Variants in GRIP1 observed in about 807,000 individuals in gnomAD.
GRIP1 encodes the protein glutamate receptor-interacting protein 1.
Under a neutral mutation model 129.9 loss-of-function variants are expected in GRIP1, and 45 were observed. That is an observed-to-expected ratio of 0.35 (90% CI 0.27 to 0.44). The LOEUF (loss-of-function observed/expected upper bound fraction) is 0.44, where lower values mean the gene tolerates loss of function less well. Among genes scored for constraint, GRIP1 ranks in the 20% least tolerant of loss-of-function variants. The pLI is 1.00. For synonymous variants in GRIP1, 530 were observed against 520.8 expected (o/e 1.02, Z -0.24); for missense variants, 1,196 against 1,396.8 (o/e 0.86, Z 2.29).
intron 1 of GRIP1, among the ~76,000 whole-genome samples, chr12:66,976,583 C>G (rs1355464804): frequency 6.6e-6 from 1 of 152,120 alleles, no homozygotes; most frequent in Non-Finnish European, 1.5e-5. Context: ...CATATCATAT[C>G]ATATCACCTG....
At position 66,348,765 on chromosome 12, in the gene GRIP1, GA is replaced by G. The variant is rs2054090706; in HGVS notation, c.*253del. On this transcript the variant is annotated 3_prime_UTR_variant, in exon 25 of 25. Transcript: ENST00000359742. ...TGATGTTAATTGTAGAGTTGTGGGG[GA>G]CGGCCTATTTTTCTCTACCGTTGGG... The G allele has an allele frequency of 3.9e-6, 2 of 511,168 alleles. No homozygotes were observed. The highest frequency in any genetic ancestry group is 2.6e-5 in the South Asian group (1 of 38,948). The allele number at this position is 511,168 out of a possible 1,614,324, so 31.7% of individuals were successfully genotyped here.
chr12:66,720,053 T>C (rs1049438811), intron 1 of GRIP1, among the ~76,000 whole-genome samples: 1 of 152,176 alleles, frequency 6.6e-6, no homozygotes, highest in African/African-American at 2.4e-5. Flanking sequence ...TTTCAGACAT[T>C]ATAAATGCTG....
chr12:66,559,971 A>G (rs949182250), intron 2 of GRIP1, among the ~76,000 whole-genome samples: 1 of 152,128 alleles, frequency 6.6e-6, no homozygotes, highest in African/African-American at 2.4e-5. Context: ...AAAAACAGAT[A>G]CACAGACCAA....
In GRIP1 at chr12:67,062,642, C is replaced by T. The variant is rs116645231; in HGVS notation, c.58+6408G>A. Reference sequence around the variant, plus strand: ...TAGAGTTATCTGTCATAGCCCATGACTCTACAACTATACTTAATAATCTCC... The same window carrying T: ...TAGAGTTATCTGTCATAGCCCATGATTCTACAACTATACTTAATAATCTCC... On this transcript the variant is annotated intron_variant, in intron 1 of 1. Coordinates refer to the GRIP1 transcript ENST00000643019. Among the ~76,000 whole-genome samples the T allele has an allele frequency of 3.7e-3, 556 of 152,224 alleles. 4 individuals are homozygous for T. Among genetic ancestry groups the T allele is most frequent in the African/African-American group, 0.013 (537 of 41,538 alleles).
intron 1 of GRIP1, among the ~76,000 whole-genome samples, chr12:66,933,615 G>A (rs1566084481): frequency 6.6e-6 from 1 of 151,996 alleles, no homozygotes. Flanking sequence ...ACACAATAAT[G>A]AAATGAAATG....
intron 1 of GRIP1, among the ~76,000 whole-genome samples, chr12:66,843,594 G>A (rs2039760110): frequency 6.6e-6 from 1 of 152,048 alleles, no homozygotes; most frequent in African/African-American, 2.4e-5. Context: ...AACAGTGCTA[G>A]CATAAAGAAA....
At chr12:66,924,092 C>G (rs537667974) in intron 1 of GRIP1, among the ~76,000 whole-genome samples, 2 of 151,998 alleles carry the variant, frequency 1.3e-5, no homozygotes, top group Non-Finnish European at 2.9e-5. Flanking sequence ...TGATTCACCC[C>G]CCTCGGCCTC....
At chr12:66,352,046 G>C (rs1209098100) in intron 24 of GRIP1, among the ~76,000 whole-genome samples, 1 of 152,200 alleles carries the variant, frequency 6.6e-6, no homozygotes, top group African/African-American at 2.4e-5. Context: ...ATAAGGCTCA[G>C]AGCCAATGCG....
intron 1 of GRIP1, among the ~76,000 whole-genome samples, chr12:66,778,176 A>G (rs1331675065): frequency 1.3e-5 from 2 of 152,212 alleles, no homozygotes; most frequent in African/African-American, 2.4e-5. Context: ...AAAGGTGGCT[A>G]CAGTAGAATA....
intron 1 of GRIP1, among the ~76,000 whole-genome samples, chr12:66,967,703 G>A (rs78004290): frequency 0.16 from 23,829 of 152,072 alleles, 2,762 homozygotes; most frequent in African/African-American, 0.32. Context: ...TCAGTCATGT[G>A]TTATTGTGAA....
intron 2 of GRIP1, among the ~76,000 whole-genome samples, chr12:66,592,739 G>C (rs551460804): frequency 5.9e-5 from 9 of 152,166 alleles, no homozygotes; most frequent in African/African-American, 2.2e-4. Flanking sequence ...TCTCTAAGTG[G>C]GCAAGACCAC....
At chr12:66,829,499 G>A (rs2039478363) in intron 1 of GRIP1, among the ~76,000 whole-genome samples, 1 of 152,114 alleles carries the variant, frequency 6.6e-6, no homozygotes, top group South Asian at 2.1e-4. Flanking sequence ...TAACACGACA[G>A]CCACAGGAAA....
rs1221791384 is a variant in GRIP1 at position 66,997,735 on chromosome 12, G to C, written c.58+71315C>G. ...AGGAAAGAATCCTCTATTTTGACCTGATGACAATCTAGCAGGAAAATAATT... is the reference window on the plus strand; with the variant it reads ...AGGAAAGAATCCTCTATTTTGACCTCATGACAATCTAGCAGGAAAATAATT... On this transcript the variant is annotated intron_variant, in intron 1 of 1. Transcript: ENST00000643019. Among the ~76,000 whole-genome samples, 3 of 152,140 alleles carry C rather than the reference G, an allele frequency of 2.0e-5. No individual in the cohort carries two copies. In the East Asian group the frequency reaches 5.8e-4, roughly 29 times the overall value.
intron 16 of GRIP1, among the ~76,000 whole-genome samples, chr12:66,401,598 G>GTA (rs1555177931): frequency 1.8e-4 from 12 of 66,272 alleles, no homozygotes; most frequent in African/African-American, 3.7e-4. Flanking sequence ...AAATATGTGT[G>GTA]TATATATATA....
intron 1 of GRIP1, among the ~76,000 whole-genome samples, chr12:66,722,257 G>A (rs2036081292): frequency 6.6e-6 from 1 of 152,156 alleles, no homozygotes; most frequent in African/African-American, 2.4e-5. Flanking sequence ...TGAGAGACAT[G>A]TAAACCCTGC....
chr12:66,816,437 G>T (rs912084839), intron 1 of GRIP1, among the ~76,000 whole-genome samples: 1 of 152,060 alleles, frequency 6.6e-6, no homozygotes, highest in African/African-American at 2.4e-5. Context: ...TGTACTAAAG[G>T]CTCTATCAAA....
In GRIP1 at chr12:66,419,308, TG is replaced by T. The variant is rs541932551; in HGVS notation, c.1838+1411del. On this transcript the variant is annotated intron_variant, in intron 15 of 24. Transcript: ENST00000359742. Reference sequence around the variant, plus strand: ...GGTTACCAGAGGCTAGGAAGGGTAGTGGGGGGGTCAGCGTGGGGAAAGTAGG... The same window carrying T: ...GGTTACCAGAGGCTAGGAAGGGTAGTGGGGGGTCAGCGTGGGGAAAGTAGG... Among the ~76,000 whole-genome samples the T allele has an allele frequency of 1.4e-3, 206 of 151,616 alleles. 2 individuals are homozygous for T. Among genetic ancestry groups the T allele is most frequent in the African/African-American group, 4.5e-3 (186 of 41,330 alleles).
rs991028576 is a variant in GRIP1, at chr12:66,347,889, A to C, written c.*1130T>G. The C allele has an allele frequency of 2.0e-5, 3 of 152,208 alleles. No homozygotes were observed. The East Asian group carries it at 5.8e-4, about 29-fold the overall frequency. The allele number at this position is 152,208 out of a possible 1,614,324, so 9.4% of individuals were successfully genotyped here. A position where few individuals can be genotyped will look rare whatever the true frequency, so the allele number is the denominator to read the frequency against. On this transcript the variant is annotated 3_prime_UTR_variant, in exon 25 of 25. Coordinates refer to ENST00000359742, the MANE Select transcript of GRIP1 (RefSeq NM_001366722.1). ...TCAATATGGAGAGTCTACCATCAAT[A>C]TACAGATCTATTTATTTTTTTATGT...
chr12:66,875,084 C>T (rs2040360911), intron 1 of GRIP1, among the ~76,000 whole-genome samples: 1 of 151,968 alleles, frequency 6.6e-6, no homozygotes. Flanking sequence ...ACAATGTAGG[C>T]ATTTAATAAG....
Sources: allele counts gnomAD v4.1 joint callset (sites outside exome capture counted in the v4.1 genomes callset), GRCh38; gene constraint gnomAD v4.1.1; transcripts MANE v1.5; gene names NCBI Gene and HGNC (gene_info 2026-07-23, HGNC 2026-07-21).